Variants in PCDHGB3 observed in about 807,000 individuals in gnomAD.
PCDHGB3 encodes the protein protocadherin gamma-B3.
PCDHGB3 carries 40 observed loss-of-function variants against 59.2 expected under a neutral mutation model. That is an observed-to-expected ratio of 0.68 (90% confidence interval 0.52 to 0.88). The LOEUF (loss-of-function observed/expected upper bound fraction) is 0.88, where lower values mean the gene tolerates loss of function less well. Ranked by LOEUF, PCDHGB3 falls within the 40% of genes least tolerant of loss-of-function variation. The pLI, the probability that PCDHGB3 is intolerant of heterozygous loss-of-function variation, is 0.00. For synonymous variants in PCDHGB3, 581 were observed against 503.6 expected, an observed-to-expected ratio of 1.15 and a Z score of -2.06; for missense variants, 1,309 against 1,187.9, an observed-to-expected ratio of 1.10 and a Z score of -1.50.
In PCDHGB3 at chr5:141,409,721, G is replaced by A. The variant is rs892686024; in HGVS notation, c.2415+36912G>A. On this transcript the variant is annotated intron_variant, in intron 1 of 3. Transcript: ENST00000576222. ...CCTGGCGGTGTCGTCATACGTGTCA[G>A]TGAGCGCGCAGAGCGGGGTGGTGTT... The A allele has an allele frequency of 6.8e-6, 11 of 1,613,114 alleles. No homozygotes were observed. The highest frequency in any genetic ancestry group is 6.7e-5 in the East Asian group (3 of 44,892).
chr5:141,475,628 C>T (rs2099366226), intron 1 of PCDHGB3, among the ~76,000 whole-genome samples: 1 of 152,116 alleles, frequency 6.6e-6, no homozygotes. Context: ...TTGGTTCGAT[C>T]CCCTTTCTTG....
At chr5:141,410,561 G>A (rs201832666) in intron 1 of PCDHGB3, 1 of 1,612,698 alleles carries the variant, frequency 6.2e-7, no homozygotes, top group Non-Finnish European at 8.5e-7. Flanking sequence ...TTCTCCTGGA[G>A]CCTTAATTCC....
intron 2 of PCDHGB3, among the ~76,000 whole-genome samples, chr5:141,501,290 T>TACACATACAC (rs1224133816): frequency 4.6e-4 from 62 of 136,246 alleles, no homozygotes; most frequent in Admixed American, 7.0e-4. Flanking sequence ...TATTCCCTTA[T>TACACATACAC]ACACACACAC....
intron 1 of PCDHGB3, chr5:141,423,750 TGG>T (rs144521096): frequency 3.2e-4 from 92 of 287,850 alleles, no homozygotes; most frequent in South Asian, 5.2e-4. Context: ...GAAAACTGTT[TGG>T]GGGGGGGGTG....
intron 1 of PCDHGB3, chr5:141,390,018 C>A: frequency 2.5e-6 from 4 of 1,614,062 alleles, no homozygotes; most frequent in Non-Finnish European, 3.4e-6. Context: ...CATTGCCTTG[C>A]GCCTGCGACG....
At chr5:141,381,949 C>T (rs897929706) in intron 1 of PCDHGB3, among the ~76,000 whole-genome samples, 2 of 150,880 alleles carry the variant, frequency 1.3e-5, no homozygotes, top group Non-Finnish European at 2.9e-5. Context: ...CCTGCCTCAG[C>T]CTCCTGAGTA....
chr5:141,511,342 C>T lies in PCDHGB3; in HGVS notation c.*169C>T. On this transcript the variant is annotated 3_prime_UTR_variant, in exon 4 of 4. Transcript: ENST00000576222. The stretch of plus-strand genomic sequence containing the variant: ...AACAAGTGCCCAGTCAGCACCTACC[C>T]CTTCCCCCCCAGGGGGTTGAATATG... The T allele has an allele frequency of 7.0e-7, 1 of 1,425,078 alleles. No individual in the cohort carries two copies. Among genetic ancestry groups the T allele is most frequent in the East Asian group, 2.5e-5 (1 of 40,014 alleles). 88.3% of individuals were successfully genotyped at this position (1,425,078 alleles called of 1,614,324 possible). A position where few individuals can be genotyped will look rare whatever the true frequency, so the allele number is the denominator to read the frequency against.
In PCDHGB3 at chr5:141,399,774, C is replaced by T. The variant is rs758550367; in HGVS notation, c.2415+26965C>T. The T allele has an allele frequency of 1.5e-5, 24 of 1,613,116 alleles. No homozygotes were observed. In the South Asian group the frequency reaches 2.4e-4, roughly 16 times the overall value. On this transcript the variant is annotated intron_variant, in intron 1 of 3. Transcript: ENST00000576222. Reference sequence around the variant, plus strand: ...ACGTGAGCCTGCGCGTGTTGGTGGGCGACCGAAACGACAACGCACCGCGGG... The same window carrying T: ...ACGTGAGCCTGCGCGTGTTGGTGGGTGACCGAAACGACAACGCACCGCGGG...
intron 1 of PCDHGB3, chr5:141,409,139 GA>G: frequency 1.9e-6 from 3 of 1,614,012 alleles, no homozygotes; most frequent in Non-Finnish European, 2.5e-6. Context: ...TGAAGATGTA[GA>G]AAGGTACACC....
chr5:141,389,887 A>T (rs1473090410), intron 1 of PCDHGB3: 2 of 1,613,940 alleles, frequency 1.2e-6, no homozygotes, highest in South Asian at 1.1e-5. Flanking sequence ...AGCTTGCAGG[A>T]GGTGCTGCCG....
intron 1 of PCDHGB3, chr5:141,428,729 A>T (rs1362138016): frequency 6.3e-6 from 1 of 159,768 alleles, no homozygotes; most frequent in East Asian, 1.8e-4. Flanking sequence ...AATCTTAAAC[A>T]TATTATATCT....
rs750564390 is a variant in PCDHGB3, at chr5:141,494,823, C to T, written c.2432C>T (p.Thr811Met). Residue 811 changes from threonine to methionine, a missense_variant, in exon 2 of 4, where the codon ACG becomes ATG. Physicochemically the swap from Thr to Met is moderately conservative, Grantham distance 81. Coordinates refer to ENST00000576222, the MANE Select transcript of PCDHGB3 (RefSeq NM_018924.5). Reference sequence around the variant, plus strand: ...TCTCCACAGCAAGCCCCGCCCAACACGGACTGGCGTTTCTCTCAGGCCCAG... The same window carrying T: ...TCTCCACAGCAAGCCCCGCCCAACATGGACTGGCGTTTCTCTCAGGCCCAG... ...GNLQKQAPPN[T>M]DWRFSQAQRP... 7 of 1,614,014 alleles carry T rather than the reference C, an allele frequency of 4.3e-6. No individual in the cohort carries two copies. The East Asian group carries it at 8.9e-5, about 21-fold the overall frequency.
chr5:141,389,070 T>C, intron 1 of PCDHGB3: 1 of 1,613,964 alleles, frequency 6.2e-7, no homozygotes, highest in South Asian at 1.1e-5. Flanking sequence ...ATTAACTTCT[T>C]CAAGAAACAC....
chr5:141,415,121 C>T (rs2095831464), intron 1 of PCDHGB3: 1 of 1,613,522 alleles, frequency 6.2e-7, no homozygotes, highest in South Asian at 1.1e-5. Context: ...CTCGTAGTGG[C>T]CGTCCAGGAC....
chr5:141,399,133 G>A (rs1054849184), intron 1 of PCDHGB3: 1 of 1,613,714 alleles, frequency 6.2e-7, no homozygotes, highest in Non-Finnish European at 8.5e-7. Flanking sequence ...TATTCAAGAT[G>A]AAAATGACAA....
In PCDHGB3 at chr5:141,371,489, C is replaced by A. The variant is rs548103153; in HGVS notation, c.1095C>A (p.Ala365=). 6.2e-6 allele frequency: 10 copies of A among 1,613,918 alleles called. No homozygotes were observed. The highest frequency in any genetic ancestry group is 8.5e-6 in the Non-Finnish European group (10 of 1,179,858). ...AAGAAGATGCTGAGCTGGGGACTGC[C>A]GTTGCCCTGATCAAAACACATGATC... The part of the protein sequence containing the change: ...HIQEDAELGT[A]VALIKTHDLD... Residue 365 remains alanine (A), a synonymous_variant, in exon 1 of 4, where the codon GCC becomes GCA. Coordinates refer to ENST00000576222, the MANE Select transcript of PCDHGB3 (RefSeq NM_018924.5).
At chr5:141,408,400 G>A (rs2095097999) in intron 1 of PCDHGB3, 2 of 1,614,052 alleles carry the variant, frequency 1.2e-6, no homozygotes, top group Non-Finnish European at 1.7e-6. Flanking sequence ...CTCGCAAGCT[G>A]CGAGTGAGCG....
At chr5:141,469,951 T>G (rs1467717372) in intron 1 of PCDHGB3, among the ~76,000 whole-genome samples, 2 of 152,034 alleles carry the variant, frequency 1.3e-5, no homozygotes, top group African/African-American at 4.8e-5. Context: ...GCCAGCATGG[T>G]GAAACCCCAT....
rs1423639578 is a variant in PCDHGB3, at chr5:141,383,107, G to T, written c.2415+10298G>T. The T allele has an allele frequency of 3.1e-6, 5 of 1,613,914 alleles. No individual in the cohort carries two copies. In the East Asian group the frequency reaches 6.7e-5, roughly 22 times the overall value. Reference sequence around the variant, plus strand: ...GCGCGGAGTCCGCATCATCTCCAGAGGTAGGACGCAGCTTTTCGCCCTGAA... The same window carrying T: ...GCGCGGAGTCCGCATCATCTCCAGATGTAGGACGCAGCTTTTCGCCCTGAA... On this transcript the variant is annotated intron_variant, in intron 1 of 3. Coordinates refer to ENST00000576222, the MANE Select transcript of PCDHGB3 (RefSeq NM_018924.5).
Sources: gnomAD v4.1 joint callset for allele counts (sites outside exome capture counted in the v4.1 genomes callset) on GRCh38, gnomAD v4.1.1 for gene constraint, MANE v1.5 for transcripts, NCBI Gene and HGNC (gene_info 2026-07-23, HGNC 2026-07-21) for gene names.